Variants in NPAT observed in about 807,000 individuals in gnomAD.
The protein encoded by NPAT is nuclear protein, coactivator of histone transcription, also known as protein NPAT.
A neutral mutation model predicts 130.7 loss-of-function variants in NPAT; 52 were observed. That is an observed-to-expected ratio of 0.40 (90% confidence interval 0.32 to 0.50). NPAT has a LOEUF of 0.50. NPAT is among the 20% of genes least tolerant of loss of function. NPAT has a pLI of 0.68. For synonymous variants in NPAT, 580 were observed against 584.8 expected (o/e 0.99, Z 0.12); for missense variants, 1,687 against 1,662.6 (o/e 1.01, Z -0.26).
intron 3 of NPAT, among the ~76,000 whole-genome samples, chr11:108,192,919 A>C (rs1481158382): frequency 6.6e-6 from 1 of 151,956 alleles, no homozygotes; most frequent in Non-Finnish European, 1.5e-5. Context: ...GCGCCATTGC[A>C]CTCCAGCCTG....
intron 7 of NPAT, 34 bp downstream of exon 7, chr11:108,188,064 T>A: frequency 1.3e-5 from 17 of 1,348,372 alleles, no homozygotes; most frequent in Non-Finnish European, 1.6e-5. Flanking sequence ...TTTTAATGGA[T>A]ACGGGTAACT....
chr11:108,194,140 G>GTAAA (rs984560905), intron 2 of NPAT, 123 bp from the exon 3 acceptor site: 1 of 629,990 alleles, frequency 1.6e-6, no homozygotes, highest in African/African-American at 1.9e-5. Context: ...TGAGGAAAGG[G>GTAAA]TAAAGAAGCA....
chr11:108,221,526 G>T (rs2078496439), intron 1 of NPAT, among the ~76,000 whole-genome samples: 3 of 152,190 alleles, frequency 2.0e-5, no homozygotes, highest in Admixed American at 2.0e-4. Flanking sequence ...AGAGCCCTGC[G>T]CAAATAACAT....
intron 1 of NPAT, among the ~76,000 whole-genome samples, chr11:108,218,262 A>C (rs2078452209): frequency 6.6e-6 from 1 of 152,206 alleles, no homozygotes; most frequent in African/African-American, 2.4e-5. Flanking sequence ...GGTAATGAGT[A>C]ACTAAATGAA....
In NPAT at chr11:108,197,390, G is replaced by C. The variant is rs772408935; in HGVS notation, c.68C>G (p.Thr23Ser). 6.2e-7 allele frequency: 1 copy of C among 1,611,958 alleles called. No homozygotes were observed. Among genetic ancestry groups the C allele is most frequent in the East Asian group, 2.2e-5 (1 of 44,828 alleles). The change falls in exon 2 of 18, where the codon ACC becomes AGC. Residue 23 changes from threonine to serine, a missense_variant. Coordinates refer to ENST00000278612, the MANE Select transcript of NPAT (RefSeq NM_002519.3). ...GYLQQENLIS[T>S]CQTFILESSD... is the part of the protein sequence containing the mutation. ...ACTTTCCAAAATAAAAGTCTGGCAGGTAGAAATGAGGTTTTCTTGCTGTAA... is the reference window on the plus strand; with the variant it reads ...ACTTTCCAAAATAAAAGTCTGGCAGCTAGAAATGAGGTTTTCTTGCTGTAA...
Position 108,157,690 on chromosome 11 carries a change from T to C in NPAT, c.*1252A>G, listed in dbSNP as rs1012921621. The C allele has an allele frequency of 6.6e-6, 1 of 152,234 alleles. No individual in the cohort carries two copies. The highest frequency in any genetic ancestry group is 1.5e-5 in the Non-Finnish European group (1 of 67,964). 9.4% of individuals were successfully genotyped at this position (152,234 alleles called of 1,614,324 possible). A position where few individuals can be genotyped will look rare whatever the true frequency, so the allele number is the denominator to read the frequency against. ...TACACCTGTAGAAAAAAATCCCTAA[T>C]ATACTGATATTTAATTGAACGGAAA... On this transcript the variant is annotated 3_prime_UTR_variant, in exon 18 of 18. Coordinates refer to ENST00000278612, the MANE Select transcript of NPAT (RefSeq NM_002519.3).
At chr11:108,162,063 T>A in intron 16 of NPAT, 49 bp from the exon 17 acceptor site, 1 of 1,612,148 alleles carries the variant, frequency 6.2e-7, no homozygotes, top group South Asian at 1.1e-5. Context: ...AAGAAATCCT[T>A]TATGTTTTAA....
chr11:108,183,967 C>G (rs1034913343), intron 10 of NPAT, among the ~76,000 whole-genome samples: 1 of 63,410 alleles, frequency 1.6e-5, no homozygotes, highest in Non-Finnish European at 2.9e-5. Flanking sequence ...AAGTGAGACC[C>G]TGTCTCAAAA....
Position 108,172,868 on chromosome 11 carries a change from C to T in NPAT, c.2116G>A (p.Val706Met), listed in dbSNP as rs770031432. The T allele has an allele frequency of 4.2e-5, 67 of 1,613,952 alleles. 1 individual carries two copies. The South Asian group carries it at 7.1e-4, about 17-fold the overall frequency. The change falls in exon 13 of 18, where the codon GTG becomes ATG. Residue 706 changes from valine to methionine, a missense_variant. By Grantham distance (21) the Val-to-Met change is conservative. Coordinates refer to ENST00000278612, the MANE Select transcript of NPAT (RefSeq NM_002519.3). ...TGAGAATCTCCCACTGAAGAACACA[C>T]AGATTCTGGAGGAAGAGAGTGACTG... is the stretch of plus-strand genomic sequence containing the variant. ...ENSHSLPPES[V>M]CSSVGDSHPE...
intron 6 of NPAT, among the ~76,000 whole-genome samples, chr11:108,188,699 A>C (rs1171064380): frequency 6.6e-6 from 1 of 152,258 alleles, no homozygotes; most frequent in African/African-American, 2.4e-5. Context: ...TCTAAGGTTC[A>C]GCCAGGCATA....
chr11:108,160,284 T>C (rs1014675634), intron 17 of NPAT, among the ~76,000 whole-genome samples: 6 of 152,066 alleles, frequency 3.9e-5, no homozygotes, highest in Admixed American at 6.6e-5. Flanking sequence ...GATCGTACCA[T>C]TGCACTCCAG....
chr11:108,218,755 TGACA>T (rs1411328469), intron 1 of NPAT, among the ~76,000 whole-genome samples: 1 of 152,184 alleles, frequency 6.6e-6, no homozygotes, highest in Non-Finnish European at 1.5e-5. Flanking sequence ...CCAAAGAAGC[TGACA>T]GAAAGTATAT....
chr11:108,181,257 A>T (rs565703265), intron 10 of NPAT, among the ~76,000 whole-genome samples: 1 of 152,322 alleles, frequency 6.6e-6, no homozygotes, highest in African/African-American at 2.4e-5. Flanking sequence ...CGAGGTCAGG[A>T]GTTCGAGACC....
At chr11:108,219,124 C>A (rs1234404941) in intron 1 of NPAT, among the ~76,000 whole-genome samples, 1 of 152,068 alleles carries the variant, frequency 6.6e-6, no homozygotes, top group Non-Finnish European at 1.5e-5. Flanking sequence ...GGCAATGTTC[C>A]CCAAGCTCTT....
chr11:108,189,268 G>T lies in NPAT; in HGVS notation c.394C>A (p.Pro132Thr), dbSNP rs759749131. 4.3e-6 allele frequency: 7 copies of T among 1,614,180 alleles called. No homozygotes were observed. The Admixed American group carries it at 6.7e-5, about 15-fold the overall frequency. ...AAAGTGAGCAACTCTGCACTGGCTG[G>T]AGCTGTTTGAGATGCAAGCTTTCTC... ...RQRKLASQTA[P>T]ASAELLTLPY... Residue 132 changes from proline to threonine, a missense_variant, in exon 6 of 18, where the codon CCA becomes ACA. Physicochemically the swap from Pro to Thr is conservative, Grantham distance 38. Around this residue, in one of 3 missense-constraint regions of NPAT, gnomAD observed 307 missense variants for 298.9 expected, o/e 1.03. Coordinates refer to ENST00000278612, the MANE Select transcript of NPAT (RefSeq NM_002519.3).
intron 15 of NPAT, among the ~76,000 whole-genome samples, chr11:108,168,311 G>A (rs2134828885): frequency 6.6e-6 from 1 of 152,194 alleles, no homozygotes; most frequent in South Asian, 2.1e-4. Context: ...CCACTGATAG[G>A]ACATATATAA....
chr11:108,184,198 C>G (rs2078082780), intron 10 of NPAT, among the ~76,000 whole-genome samples: 1 of 152,036 alleles, frequency 6.6e-6, no homozygotes, highest in South Asian at 2.1e-4. Context: ...ATTGGCCGGG[C>G]ACGGTGGCTC....
intron 1 of NPAT, among the ~76,000 whole-genome samples, chr11:108,221,431 A>C (rs2078493670): frequency 6.6e-6 from 1 of 152,246 alleles, no homozygotes; most frequent in African/African-American, 2.4e-5. Context: ...GACATTAACA[A>C]AACATTAAAC....
chr11:108,186,026 T>C (rs2078104968), intron 8 of NPAT, among the ~76,000 whole-genome samples: 1 of 151,978 alleles, frequency 6.6e-6, no homozygotes, highest in Non-Finnish European at 1.5e-5. Context: ...CCGGCCAGTT[T>C]TTTTTTTTGA....
Sources: allele counts gnomAD v4.1 joint callset (sites outside exome capture counted in the v4.1 genomes callset), GRCh38; gene constraint gnomAD v4.1.1; regional missense constraint gnomAD v4.1.1; transcripts MANE v1.5; gene names NCBI Gene and HGNC (gene_info 2026-07-23, HGNC 2026-07-21).